The following ANK3 variants were observed in gnomAD, a reference collection of about 807,000 sequenced individuals.
ANK3 encodes ankyrin-3.
Under a neutral mutation model 370.9 loss-of-function variants are expected in ANK3, and 57 were observed. The observed-to-expected ratio is 0.15, with a 90% CI of 0.12 to 0.19. The LOEUF (loss-of-function observed/expected upper bound fraction) is 0.19, where lower values mean the gene tolerates loss of function less well. Among genes scored for constraint, ANK3 ranks in the 10% least tolerant of loss-of-function variants. The pLI is 1.00. For missense variants in ANK3, 4,439 were observed against 5,302.1 expected (o/e 0.84, Z 5.06); for synonymous variants, 1,929 against 1,946.3 (o/e 0.99, Z 0.23).
intron 2 of ANK3, among the ~76,000 whole-genome samples, chr10:60,534,475 G>A (rs2076678614): frequency 6.6e-6 from 1 of 152,068 alleles, no homozygotes; most frequent in South Asian, 2.1e-4. Flanking sequence ...ATAAGTCAAA[G>A]AATTCTTCAG....
intron 2 of ANK3, among the ~76,000 whole-genome samples, chr10:60,486,818 A>C (rs2133111721): frequency 6.6e-6 from 1 of 152,234 alleles, no homozygotes; most frequent in Middle Eastern, 3.4e-3. Context: ...AATTAACACT[A>C]AAAAATGTGT....
At chr10:60,700,287 T>C (rs141055962) in intron 1 of ANK3, among the ~76,000 whole-genome samples, 2 of 152,338 alleles carry the variant, frequency 1.3e-5, no homozygotes, top group East Asian at 1.9e-4. Context: ...TCCTGCTTAT[T>C]ACAGTAAGTT....
intron 2 of ANK3, among the ~76,000 whole-genome samples, chr10:60,564,852 G>A (rs902208013): frequency 2.6e-5 from 4 of 152,146 alleles, no homozygotes; most frequent in Non-Finnish European, 5.9e-5. Context: ...AGATGGAAAA[G>A]GCAGCTGAAC....
At chr10:60,117,947 C>T (rs950444584) in intron 25 of ANK3, among the ~76,000 whole-genome samples, 2 of 151,972 alleles carry the variant, frequency 1.3e-5, no homozygotes, top group African/African-American at 2.4e-5. Flanking sequence ...TGGGAGGATA[C>T]GAAGTGTGCA....
Position 60,074,614 on chromosome 10 carries a change from G to T in ANK3, c.6267C>A (p.Ser2089=). ...TTTTACACAATTCTTTCTCAGAGGTGGAAGTCCTCATGGAGGCTGGAGGCA... is the reference window on the plus strand; with the variant it reads ...TTTTACACAATTCTTTCTCAGAGGTTGAAGTCCTCATGGAGGCTGGAGGCA... ...LKMPPASMRT[S]TSEKELCKMA... Residue 2089 remains serine (S), a synonymous_variant, in exon 37 of 44, where the codon TCC becomes TCA. Coordinates refer to ENST00000280772, the MANE Select transcript of ANK3 (RefSeq NM_020987.5). 1 of 1,614,132 alleles carries T rather than the reference G, an allele frequency of 6.2e-7. No homozygotes were observed. Among genetic ancestry groups the T allele is most frequent in the Non-Finnish European group, 8.5e-7 (1 of 1,180,006 alleles).
In ANK3 at chr10:60,279,585, C is replaced by T. The variant is rs1322609638; in HGVS notation, c.169G>A (p.Ala57Thr). 6.2e-7 allele frequency: 1 copy of T among 1,613,226 alleles called. No homozygotes were observed. The highest frequency in any genetic ancestry group is 1.1e-5 in the South Asian group (1 of 90,840). The change falls in exon 2 of 44, where the codon GCC (alanine) becomes ACC (threonine). Residue 57 changes from alanine to threonine, a missense_variant. Transcript: ENST00000280772. ...RAARAGHLEK[A>T]LDYIKNGVDI... ...ACTCCATTTTTTATGTAGTCGAGGG[C>T]CTTTTCAAGGTGTCCAGCTCGAGCT...
At chr10:60,297,358 A>G (rs1157753908) in intron 1 of ANK3, among the ~76,000 whole-genome samples, 1 of 152,202 alleles carries the variant, frequency 6.6e-6, no homozygotes, top group African/African-American at 2.4e-5. Context: ...AAGTAAAAAG[A>G]GACTCCTAAA....
intron 25 of ANK3, among the ~76,000 whole-genome samples, chr10:60,115,486 G>C (rs1199555834): frequency 6.6e-6 from 1 of 152,156 alleles, no homozygotes; most frequent in African/African-American, 2.4e-5. Flanking sequence ...CCAAGCTAGA[G>C]AGACACTATA....
chr10:60,302,667 T>C (rs1336357823), intron 1 of ANK3, among the ~76,000 whole-genome samples: 1 of 152,136 alleles, frequency 6.6e-6, no homozygotes, highest in Non-Finnish European at 1.5e-5. Flanking sequence ...TGGCAGCAAA[T>C]AGTAAACGTA....
intron 1 of ANK3, among the ~76,000 whole-genome samples, chr10:60,647,605 T>TAAA (rs34081842): frequency 6.9e-6 from 1 of 144,808 alleles, no homozygotes; most frequent in Admixed American, 6.8e-5. Flanking sequence ...CTAAAAACAG[T>TAAA]AAAAAAAAAA....
chr10:60,547,466 G>C (rs894331300), intron 2 of ANK3, among the ~76,000 whole-genome samples: 1 of 151,960 alleles, frequency 6.6e-6, no homozygotes, highest in Non-Finnish European at 1.5e-5. Flanking sequence ...CGCGATCTCG[G>C]CTCACTGCAA....
intron 1 of ANK3, among the ~76,000 whole-genome samples, chr10:60,360,447 G>C (rs2058425189): frequency 6.6e-6 from 1 of 152,200 alleles, no homozygotes. Context: ...GTTGGCTCAT[G>C]CCTGTAGTCC....
intron 1 of ANK3, among the ~76,000 whole-genome samples, chr10:60,625,583 C>T (rs1452389994): frequency 1.3e-5 from 2 of 152,106 alleles, no homozygotes; most frequent in Admixed American, 6.5e-5. Flanking sequence ...GTTAAGGAGC[C>T]ACTAGGCTAA....
chr10:60,181,556 A>T lies in ANK3; in HGVS notation c.2086-129T>A, dbSNP rs1032048897. 5.7e-6 allele frequency: 5 copies of T among 872,932 alleles called. No homozygotes were observed. The African/African-American group carries it at 6.7e-5, about 12-fold the overall frequency. 54.1% of individuals were successfully genotyped at this position (872,932 alleles called of 1,614,324 possible). On this transcript the variant is annotated intron_variant, in intron 17 of 43. Coordinates refer to ENST00000280772, the MANE Select transcript of ANK3 (RefSeq NM_020987.5). ...TTTCTATGTTAGAAAAAACCTATGG[A>T]ATAAATTTATATGCTTGGGAGGCTG...
At chr10:60,055,514 C>G (rs2079006630) in intron 42 of ANK3, 144 bp downstream of exon 42, 5 of 1,121,594 alleles carry the variant, frequency 4.5e-6, no homozygotes, top group Non-Finnish European at 6.2e-6. Context: ...TTCTTTACCT[C>G]CACCATTAGT....
chr10:60,343,692 A>G (rs2054772254), intron 1 of ANK3, among the ~76,000 whole-genome samples: 1 of 152,128 alleles, frequency 6.6e-6, no homozygotes, highest in South Asian at 2.1e-4. Flanking sequence ...TTGAAATTGG[A>G]TTTTATGTAT....
chr10:60,196,281 G>C (rs761523965), intron 15 of ANK3, 38 bp from the exon 16 acceptor site: 1 of 1,575,772 alleles, frequency 6.3e-7, no homozygotes, highest in Non-Finnish European at 8.7e-7. Flanking sequence ...AGTGTCAAAG[G>C]TGTCTTAAAA....
chr10:60,418,925 T>C (rs1012675573), intron 2 of ANK3, among the ~76,000 whole-genome samples: 5 of 152,194 alleles, frequency 3.3e-5, no homozygotes, highest in Admixed American at 6.6e-5. Context: ...TCTAAATCTA[T>C]ATTCTTTTGA....
chr10:60,096,709 C>CT (rs2090197862), intron 28 of ANK3, among the ~76,000 whole-genome samples: 1 of 152,040 alleles, frequency 6.6e-6, no homozygotes, highest in Non-Finnish European at 1.5e-5. Flanking sequence ...AAAAACATGA[C>CT]AACAGGACCC....
Sources: gnomAD v4.1 joint callset for allele counts (sites outside exome capture counted in the v4.1 genomes callset) on GRCh38, gnomAD v4.1.1 for gene constraint, MANE v1.5 for transcripts, NCBI Gene and HGNC (gene_info 2026-07-23, HGNC 2026-07-21) for gene names.